Variants in SHISA9 observed in about 807,000 individuals in gnomAD.
SHISA9 encodes protein shisa-9.
SHISA9 carries 13 observed loss-of-function variants against 38.0 expected under a neutral mutation model. The ratio of observed to expected loss-of-function variants is 0.34; its 90% CI spans 0.22 to 0.54. The LOEUF is 0.54. Among genes scored for constraint, SHISA9 ranks in the 20% least tolerant of loss-of-function variants. SHISA9 has a pLI of 0.91. For missense variants in SHISA9, 538 were observed against 575.8 expected, an observed-to-expected ratio of 0.93 and a Z score of 0.67; for synonymous variants, 275 against 242.0, an observed-to-expected ratio of 1.14 and a Z score of -1.27.
chr16:13,356,489 G>A, the SHISA9 span, among the ~76,000 whole-genome samples: 8 of 152,154 alleles, frequency 5.3e-5, no homozygotes, highest in African/African-American at 1.7e-4. Flanking sequence ...CTGGGCAGGA[G>A]GGGGAGGGCT....
rs73507157 is a variant in SHISA9 at position 13,218,346 on chromosome 16, G to C, written c.895+5046G>C. On this transcript the variant is annotated intron_variant, in intron 4 of 4. Coordinates refer to ENST00000558583, the MANE Select transcript of SHISA9 (RefSeq NM_001145204.3). ...TCCTGGGTGATTCTTATGTACATTA[G>C]AGTTTAGACCTAGCTTTTCCTAATC... 9.9e-3 allele frequency among the ~76,000 whole-genome samples: 1,507 copies of C among 152,266 alleles called. 20 individuals are homozygous for C. Among genetic ancestry groups the C allele is most frequent in the African/African-American group, 0.035 (1,451 of 41,562 alleles).
At chr16:13,361,925 T>C in the SHISA9 span, among the ~76,000 whole-genome samples, 2 of 152,118 alleles carry the variant, frequency 1.3e-5, no homozygotes, top group African/African-American at 4.8e-5. Context: ...TCCTTTGTCA[T>C]TAAAAAGAGG....
the SHISA9 span, among the ~76,000 whole-genome samples, chr16:13,313,262 A>AAAAAAAAC: frequency 0.015 from 2,158 of 140,658 alleles, 74 homozygotes; most frequent in African/African-American, 0.045. Context: ...CTCAAAAAAA[A>AAAAAAAAC]AAAAAAAAAA....
chr16:13,305,500 T>C, the SHISA9 span, among the ~76,000 whole-genome samples: 1 of 152,182 alleles, frequency 6.6e-6, no homozygotes, highest in Non-Finnish European at 1.5e-5. Context: ...GTTTCTATCC[T>C]GTCTTCCCCT....
chr16:13,474,216 G>A, the SHISA9 span: 1 of 152,118 alleles, frequency 6.6e-6, no homozygotes, highest in Non-Finnish European at 1.5e-5. Context: ...ACAGGTAACA[G>A]AATATTGGCA....
chr16:13,091,740 TCA>T (rs1405883364), intron 2 of SHISA9, among the ~76,000 whole-genome samples: 1 of 152,190 alleles, frequency 6.6e-6, no homozygotes, highest in Admixed American at 6.5e-5. Context: ...TGCAATGGGT[TCA>T]CACATCCTCC....
chr16:12,988,275 G>A (rs1043371458), intron 2 of SHISA9, among the ~76,000 whole-genome samples: 1 of 152,138 alleles, frequency 6.6e-6, no homozygotes, highest in Non-Finnish European at 1.5e-5. Context: ...ACGTCAATAC[G>A]CTTGACTTGA....
At chr16:13,095,734 C>T (rs1275071212) in intron 2 of SHISA9, among the ~76,000 whole-genome samples, 1 of 152,198 alleles carries the variant, frequency 6.6e-6, no homozygotes, top group Admixed American at 6.5e-5. Context: ...GTACTCTCAG[C>T]ATTTCACATA....
At position 12,902,427 on chromosome 16, in the gene SHISA9, C is replaced by G. The variant is rs556889829; in HGVS notation, c.363C>G (p.Thr121=). Residue 121 remains threonine (T), a synonymous_variant, in exon 1 of 5, where the codon ACC becomes ACG. Transcript: ENST00000558583. The stretch of plus-strand genomic sequence containing the variant: ...GGCGACTGAACCAAAGCACCTGCAC[C>G]AACTACGACACGCCGCTCTGGCTCA... ...KKRRLNQSTC[T]NYDTPLWLNT... The G allele has an allele frequency of 3.2e-6, 5 of 1,551,364 alleles. No homozygotes were observed. Among genetic ancestry groups the G allele is most frequent in the Non-Finnish European group, 4.4e-6 (5 of 1,146,984 alleles).
At chr16:13,457,305 A>AG in the SHISA9 span, among the ~76,000 whole-genome samples, 1 of 107,980 alleles carries the variant, frequency 9.3e-6, no homozygotes, top group Non-Finnish European at 2.1e-5. Context: ...AAACTCTATC[A>AG]AAAACAAACA....
At chr16:13,088,321 A>G (rs2073736463) in intron 2 of SHISA9, among the ~76,000 whole-genome samples, 1 of 151,466 alleles carries the variant, frequency 6.6e-6, no homozygotes, top group Admixed American at 6.6e-5. Flanking sequence ...TTGTGGTTCC[A>G]TATGTGTAGT....
intron 2 of SHISA9, among the ~76,000 whole-genome samples, chr16:13,083,911 T>C (rs1596636976): frequency 6.6e-6 from 1 of 152,090 alleles, no homozygotes; most frequent in East Asian, 1.9e-4. Context: ...CCATGATGGA[T>C]ACAATCTGGT....
chr16:13,526,960 A>G, the SHISA9 span, among the ~76,000 whole-genome samples: 1 of 146,748 alleles, frequency 6.8e-6, no homozygotes, highest in Non-Finnish European at 1.5e-5. Flanking sequence ...GAGACAAACA[A>G]GCACCAATTT....
chr16:13,524,144 T>C, the SHISA9 span, among the ~76,000 whole-genome samples: 2 of 152,138 alleles, frequency 1.3e-5, no homozygotes, highest in African/African-American at 4.8e-5. Context: ...TTATGCATTC[T>C]TTTCTTGAAA....
chr16:12,998,784 T>G (rs1307755085), intron 2 of SHISA9, among the ~76,000 whole-genome samples: 2 of 152,222 alleles, frequency 1.3e-5, no homozygotes, highest in Non-Finnish European at 1.5e-5. Context: ...AGTAGTTGGA[T>G]TCAAAGAACT....
chr16:13,068,952 T>C (rs2073469386), intron 2 of SHISA9, among the ~76,000 whole-genome samples: 1 of 152,076 alleles, frequency 6.6e-6, no homozygotes. Context: ...TATGCGCATA[T>C]GTGTACATAT....
chr16:12,918,211 G>A (rs572692254), intron 2 of SHISA9, among the ~76,000 whole-genome samples: 105 of 152,278 alleles, frequency 6.9e-4, no homozygotes, highest in African/African-American at 2.4e-3. Context: ...TATGGTAAAT[G>A]GCATCAATTC....
chr16:12,906,108 G>A (rs1306788360), intron 1 of SHISA9, among the ~76,000 whole-genome samples: 4 of 152,160 alleles, frequency 2.6e-5, no homozygotes, highest in African/African-American at 9.7e-5. Context: ...GCATCAGAGA[G>A]GCTGCTATGA....
At chr16:13,018,935 A>G (rs1360232086) in intron 2 of SHISA9, among the ~76,000 whole-genome samples, 2 of 152,246 alleles carry the variant, frequency 1.3e-5, no homozygotes, top group Non-Finnish European at 2.9e-5. Flanking sequence ...CCCATGCATT[A>G]CTTTGCTCAA....
Sources: gnomAD v4.1 joint callset for allele counts (sites outside exome capture counted in the v4.1 genomes callset) on GRCh38, gnomAD v4.1.1 for gene constraint, MANE v1.5 for transcripts, NCBI Gene and HGNC (gene_info 2026-07-23, HGNC 2026-07-21) for gene names.